Variants in KHDRBS2 observed in about 807,000 individuals in gnomAD.
KHDRBS2 encodes the protein KH domain-containing, RNA-binding, signal transduction-associated protein 2.
A neutral mutation model predicts 44.3 loss-of-function variants in KHDRBS2; 26 were observed. That is an observed-to-expected ratio of 0.59 (90% CI 0.43 to 0.81). KHDRBS2 has a LOEUF of 0.81. Among genes scored for constraint, KHDRBS2 ranks in the 40% least tolerant of loss-of-function variants. The pLI, the probability that KHDRBS2 is intolerant of heterozygous loss-of-function variation, is 0.00. For missense variants in KHDRBS2, 476 were observed against 433.1 expected (o/e 1.10, Z -0.88); for synonymous variants, 194 against 151.1 (o/e 1.28, Z -2.08).
chr6:62,051,524 T>C (rs906930791), intron 2 of KHDRBS2, among the ~76,000 whole-genome samples: 5 of 152,022 alleles, frequency 3.3e-5, no homozygotes, highest in Non-Finnish European at 7.4e-5. Context: ...TGTATATGTT[T>C]AGATTTATTT....
intron 4 of KHDRBS2, among the ~76,000 whole-genome samples, chr6:61,903,465 T>A (rs1279285429): frequency 6.6e-6 from 1 of 152,066 alleles, no homozygotes; most frequent in Non-Finnish European, 1.5e-5. Context: ...AATATAAGAA[T>A]GTAGATATGA....
At chr6:62,056,149 A>C (rs1790244907) in intron 2 of KHDRBS2, among the ~76,000 whole-genome samples, 2 of 151,928 alleles carry the variant, frequency 1.3e-5, no homozygotes, top group African/African-American at 4.8e-5. Flanking sequence ...TTAAATATAG[A>C]GTGGCTTTTG....
intron 3 of KHDRBS2, among the ~76,000 whole-genome samples, chr6:61,999,908 T>C (rs1777908850): frequency 6.6e-6 from 1 of 152,112 alleles, no homozygotes. Flanking sequence ...ATATTAGATA[T>C]CTTATGGTGA....
the KHDRBS2 span, among the ~76,000 whole-genome samples, chr6:61,666,862 A>G: frequency 1.6e-3 from 246 of 151,508 alleles, 1 homozygote; most frequent in African/African-American, 5.4e-3. Context: ...TAGATCAAAT[A>G]GTAGAATCCT....
At chr6:61,671,870 A>G in the KHDRBS2 span, among the ~76,000 whole-genome samples, 1 of 151,704 alleles carries the variant, frequency 6.6e-6, no homozygotes, top group Non-Finnish European at 1.5e-5. Context: ...ATTATACCTT[A>G]AGTTTTAGGG....
intron 2 of KHDRBS2, among the ~76,000 whole-genome samples, chr6:62,077,901 G>C (rs1796651232): frequency 6.6e-6 from 1 of 151,976 alleles, no homozygotes; most frequent in African/African-American, 2.4e-5. Flanking sequence ...AGTGCCAGTG[G>C]CCATAGCATC....
At chr6:61,949,458 C>A (rs9363569) in intron 4 of KHDRBS2, among the ~76,000 whole-genome samples, 1 of 151,854 alleles carries the variant, frequency 6.6e-6, no homozygotes, top group East Asian at 1.9e-4. Flanking sequence ...TCTTCAGCTA[C>A]AGGACATATT....
chr6:62,085,365 T>A (rs1489315824), intron 2 of KHDRBS2, among the ~76,000 whole-genome samples: 1 of 151,952 alleles, frequency 6.6e-6, no homozygotes, highest in Non-Finnish European at 1.5e-5. Flanking sequence ...GAAATAAGGC[T>A]GAGAATCATT....
At chr6:62,068,893 T>C (rs1458254961) in intron 2 of KHDRBS2, among the ~76,000 whole-genome samples, 1 of 151,748 alleles carries the variant, frequency 6.6e-6, no homozygotes, top group Non-Finnish European at 1.5e-5. Flanking sequence ...ATCTTGAATA[T>C]TGTAGCTTTG....
intron 6 of KHDRBS2, among the ~76,000 whole-genome samples, chr6:61,839,835 G>A (rs554152913): frequency 6.6e-6 from 1 of 152,146 alleles, no homozygotes; most frequent in South Asian, 2.1e-4. Context: ...GCAGGAACAG[G>A]TAAGAAAGAA....
intron 6 of KHDRBS2, among the ~76,000 whole-genome samples, chr6:61,840,141 G>A (rs751947848): frequency 3.9e-5 from 6 of 152,050 alleles, no homozygotes; most frequent in Non-Finnish European, 8.8e-5. Context: ...ATTCAAATGG[G>A]TAGACACTTG....
chr6:61,671,341 A>G, the KHDRBS2 span, among the ~76,000 whole-genome samples: 1 of 151,604 alleles, frequency 6.6e-6, no homozygotes, highest in East Asian at 2.0e-4. Context: ...CTAGTTGCCA[A>G]TTTTTAAGTT....
At chr6:62,236,483 A>T (rs1272498457) in intron 1 of KHDRBS2, among the ~76,000 whole-genome samples, 1 of 151,984 alleles carries the variant, frequency 6.6e-6, no homozygotes, top group African/African-American at 2.4e-5. Context: ...TTAGCAGAAT[A>T]ATTTTATATA....
chr6:61,697,924 T>C (rs968963715), intron 7 of KHDRBS2, among the ~76,000 whole-genome samples: 1 of 152,154 alleles, frequency 6.6e-6, no homozygotes, highest in African/African-American at 2.4e-5. Context: ...CTCCAAAGTC[T>C]TACGTGTTTC....
chr6:62,072,391 T>A (rs1375714565), intron 2 of KHDRBS2, among the ~76,000 whole-genome samples: 1 of 151,938 alleles, frequency 6.6e-6, no homozygotes, highest in Non-Finnish European at 1.5e-5. Flanking sequence ...TGAATAGGAG[T>A]GGTGAGAGGG....
intron 2 of KHDRBS2, among the ~76,000 whole-genome samples, chr6:62,088,571 G>A (rs1042024825): frequency 6.6e-6 from 1 of 152,118 alleles, no homozygotes; most frequent in African/African-American, 2.4e-5. Flanking sequence ...CCTTCCTCTG[G>A]AAGCTTTGTC....
At chr6:62,056,407 C>G (rs1005988271) in intron 2 of KHDRBS2, among the ~76,000 whole-genome samples, 1 of 151,744 alleles carries the variant, frequency 6.6e-6, no homozygotes, top group Non-Finnish European at 1.5e-5. Context: ...TCTTAAATAA[C>G]AGGGATAATA....
the KHDRBS2 span, among the ~76,000 whole-genome samples, chr6:61,561,694 G>A: frequency 1.5e-4 from 23 of 152,024 alleles, no homozygotes; most frequent in South Asian, 4.2e-4. Flanking sequence ...AAGACTCTTC[G>A]GTCAGCTTGT....
intron 6 of KHDRBS2, among the ~76,000 whole-genome samples, chr6:61,799,671 A>G (rs1196038375): frequency 6.6e-6 from 1 of 152,008 alleles, no homozygotes; most frequent in Admixed American, 6.6e-5. Flanking sequence ...ATAGTGTTAT[A>G]TATATATAAT....
Sources: gnomAD v4.1 joint callset for allele counts (sites outside exome capture counted in the v4.1 genomes callset) on GRCh38, gnomAD v4.1.1 for gene constraint, MANE v1.5 for transcripts, NCBI Gene and HGNC (gene_info 2026-07-23, HGNC 2026-07-21) for gene names.